Variants in C19orf38 observed in about 807,000 individuals in gnomAD.
C19orf38 encodes the protein protein HIDE1.
C19orf38 carries 14 observed loss-of-function variants against 26.6 expected under a neutral mutation model. The observed-to-expected ratio is 0.53, with a 90% CI of 0.35 to 0.82. The LOEUF (loss-of-function observed/expected upper bound fraction) is 0.82, where lower values mean the gene tolerates loss of function less well. C19orf38 is among the 40% of genes least tolerant of loss of function. The pLI is 0.01. For synonymous variants in C19orf38, 132 were observed against 128.5 expected, an observed-to-expected ratio of 1.03 and a Z score of -0.18; for missense variants, 261 against 299.5, an observed-to-expected ratio of 0.87 and a Z score of 0.95.
At chr19:10,842,241 G>T in intron 1 of C19orf38, 1 of 1,185,688 alleles carries the variant, frequency 8.4e-7, no homozygotes. Context: ...CCATCTCTTG[G>T]AAAACATAAT....
intron 1 of C19orf38, 128 bp downstream of exon 1, chr19:10,848,667 T>C: frequency 1.2e-6 from 1 of 833,480 alleles, no homozygotes; most frequent in Middle Eastern, 3.2e-4. Flanking sequence ...GCTGAGCCCT[T>C]GGCAGATGGG....
intron 3 of C19orf38, among the ~76,000 whole-genome samples, chr19:10,857,934 A>AAAGAAAGAAAGAAAG (rs1268021373): frequency 3.1e-5 from 4 of 129,404 alleles, no homozygotes; most frequent in Non-Finnish European, 5.3e-5. Flanking sequence ...AAGAAAGAAA[A>AAAGAAAGAAAGAAAG]ATCTGAGGCC....
chr19:10,851,970 G>A (rs1376350358), intron 2 of C19orf38, among the ~76,000 whole-genome samples: 4 of 137,708 alleles, frequency 2.9e-5, no homozygotes, highest in South Asian at 4.6e-4. Context: ...GCGAGACTCC[G>A]TCTCAAAAAA....
At chr19:10,854,967 T>C (rs2073608575) in intron 2 of C19orf38, among the ~76,000 whole-genome samples, 1 of 151,992 alleles carries the variant, frequency 6.6e-6, no homozygotes, top group South Asian at 2.1e-4. Context: ...TTCTGTCTTA[T>C]TCTCAGGTAG....
In C19orf38 at chr19:10,850,317, A is replaced by G. The variant is rs2073556810; in HGVS notation, c.90A>G (p.Gln30=). 2 of 1,551,258 alleles carry G rather than the reference A, an allele frequency of 1.3e-6. No individual in the cohort carries two copies. The highest frequency in any genetic ancestry group is 8.7e-7 in the Non-Finnish European group (1 of 1,146,942). ...IRLVPPYPSS[Q]EDPIHIACMA... is the part of the protein sequence containing the mutation. Reference sequence around the variant, plus strand: ...TGGTGCCCCCGTACCCAAGCAGCCAAGAGGACCCCATCCACATCGCATGCA... The same window carrying G: ...TGGTGCCCCCGTACCCAAGCAGCCAGGAGGACCCCATCCACATCGCATGCA... Residue 30 remains glutamine (Q), a synonymous_variant, in exon 2 of 7, where the codon CAA becomes CAG. Transcript: ENST00000397820.
intron 2 of C19orf38, among the ~76,000 whole-genome samples, chr19:10,851,403 C>T (rs957936002): frequency 6.7e-6 from 1 of 149,656 alleles, no homozygotes; most frequent in Non-Finnish European, 1.5e-5. Flanking sequence ...GGCAATGGCA[C>T]AATCATAGCT....
Position 10,850,434 on chromosome 19 carries a change from G to A in C19orf38, c.207G>A (p.Gly69=). Residue 69 remains glycine (G), a synonymous_variant, in exon 2 of 7, where the codon GGG becomes GGA. Transcript: ENST00000397820. ...TGCAGGCCCCCACGGACCAGCGCGG[G>A]GTGACATTTAACCTGAGCGGCGGCA... ...QLLQAPTDQR[G]VTFNLSGGSS... 5 of 1,551,426 alleles carry A rather than the reference G, an allele frequency of 3.2e-6. No individual in the cohort carries two copies. Among genetic ancestry groups the A allele is most frequent in the Non-Finnish European group, 4.4e-6 (5 of 1,146,874 alleles).
chr19:10,868,241 A>G lies in C19orf38; in HGVS notation c.544-977A>G, dbSNP rs148648865. On this transcript the variant is annotated intron_variant, in intron 6 of 6. Coordinates refer to ENST00000397820, the MANE Select transcript of C19orf38 (RefSeq NM_001136482.3). ...TGAGTGTCTGATATGCAACTTTGTA[A>G]CACCCTTTCAGGTGGGATCGATTAT... 1.1e-3 allele frequency among the ~76,000 whole-genome samples: 175 copies of G among 152,298 alleles called. 1 individual carries two copies. In the East Asian group the frequency reaches 0.028, roughly 25 times the overall value.
chr19:10,856,382 A>G (rs1243668350), intron 3 of C19orf38, 25 bp downstream of exon 3: 1 of 1,535,194 alleles, frequency 6.5e-7, no homozygotes, highest in Non-Finnish European at 8.8e-7. Flanking sequence ...AGCCTGGCAC[A>G]CAAGTTGCCA....
At chr19:10,864,694 GGTTTGGTC>G (rs2073735487) in intron 6 of C19orf38, among the ~76,000 whole-genome samples, 1 of 152,170 alleles carries the variant, frequency 6.6e-6, no homozygotes, top group Non-Finnish European at 1.5e-5. Flanking sequence ...AAGGGTGGGT[GGTTTGGTC>G]CAAAATGTTG....
intron 3 of C19orf38, among the ~76,000 whole-genome samples, chr19:10,858,023 A>C (rs2073648484): frequency 6.6e-6 from 1 of 151,900 alleles, no homozygotes; most frequent in African/African-American, 2.4e-5. Context: ...TGAGGTCAGG[A>C]GTTCGAGACC....
intron 1 of C19orf38, among the ~76,000 whole-genome samples, chr19:10,839,187 G>A (rs1261551160): frequency 6.6e-6 from 1 of 152,108 alleles, no homozygotes; most frequent in Non-Finnish European, 1.5e-5. Flanking sequence ...TTACTGGTGT[G>A]AGCCACCTTG....
At chr19:10,856,825 C>T (rs548187551) in intron 3 of C19orf38, among the ~76,000 whole-genome samples, 31 of 151,996 alleles carry the variant, frequency 2.0e-4, no homozygotes, top group African/African-American at 7.5e-4. Context: ...TATTTGGAGA[C>T]TCAGTCTGTC....
chr19:10,866,539 A>C (rs544496727), intron 6 of C19orf38, among the ~76,000 whole-genome samples: 67 of 151,234 alleles, frequency 4.4e-4, no homozygotes, highest in Middle Eastern at 6.8e-3. Context: ...TTTGTTGCCT[A>C]GTCTGGAGTG....
At position 10,863,153 on chromosome 19, in the gene C19orf38, T is replaced by G. The variant is rs926360738; in HGVS notation, c.506-17T>G. ...ACTGGCCCCCAATCCTGGGTTTTCT[T>G]TCTCTTTCTGTTTCAGACATGTCCT... On this transcript the variant is annotated splice_polypyrimidine_tract_variant and intron_variant, in intron 5 of 6. Transcript: ENST00000397820. The G allele has an allele frequency of 1.3e-6, 2 of 1,550,832 alleles. No individual in the cohort carries two copies. The highest frequency in any genetic ancestry group is 2.7e-5 in the African/African-American group (2 of 73,036).
At chr19:10,839,542 T>C (rs2073464183) in intron 1 of C19orf38, among the ~76,000 whole-genome samples, 1 of 152,186 alleles carries the variant, frequency 6.6e-6, no homozygotes, top group Non-Finnish European at 1.5e-5. Flanking sequence ...TATGTGCTTT[T>C]TGCCTCTAGG....
chr19:10,858,454 C>A, intron 4 of C19orf38, 111 bp downstream of exon 4: 2 of 1,058,504 alleles, frequency 1.9e-6, no homozygotes, highest in Non-Finnish European at 2.8e-6. Context: ...GGTGGGCATG[C>A]TGCGTAATAG....
intron 1 of C19orf38, among the ~76,000 whole-genome samples, chr19:10,837,080 C>T (rs2073437830): frequency 6.6e-6 from 1 of 152,198 alleles, no homozygotes; most frequent in Non-Finnish European, 1.5e-5. Flanking sequence ...GCCTCAGTTT[C>T]CTCTTCTGCA....
intron 1 of C19orf38, among the ~76,000 whole-genome samples, chr19:10,838,784 G>A (rs1599652405): frequency 1.3e-5 from 2 of 152,302 alleles, no homozygotes; most frequent in Middle Eastern, 6.8e-3. Flanking sequence ...GATTTACATA[G>A]GGGATGAAAA....
Sources: gnomAD v4.1 joint callset for allele counts (sites outside exome capture counted in the v4.1 genomes callset) on GRCh38, gnomAD v4.1.1 for gene constraint, MANE v1.5 for transcripts, NCBI Gene and HGNC (gene_info 2026-07-23, HGNC 2026-07-21) for gene names.